The following SGCD variants were observed in gnomAD, a reference collection of about 807,000 sequenced individuals.
SGCD encodes sarcoglycan delta.
Under a neutral mutation model 36.6 loss-of-function variants are expected in SGCD, and 18 were observed. The observed-to-expected ratio is 0.49, with a 90% CI of 0.34 to 0.73. The LOEUF (loss-of-function observed/expected upper bound fraction) is 0.73. Among genes scored for constraint, SGCD ranks in the 30% least tolerant of loss-of-function variants. The probability of loss-of-function intolerance (pLI) is 0.01; values close to 1 mark genes in which losing one functional copy is unlikely to be tolerated. For synonymous variants in SGCD, 133 were observed against 130.6 expected (o/e 1.02, Z -0.12); for missense variants, 387 against 346.7 (o/e 1.12, Z -0.92).
At chr5:156,634,547 T>C (rs930909881) in intron 6 of SGCD, among the ~76,000 whole-genome samples, 7 of 152,206 alleles carry the variant, frequency 4.6e-5, no homozygotes, top group African/African-American at 1.7e-4. Context: ...TGAATGATTC[T>C]GTTTATATGA....
At chr5:156,155,613 G>GA (rs56154305) in intron 3 of SGCD, among the ~76,000 whole-genome samples, 71,371 of 131,034 alleles carry the variant, frequency 0.54, 20,216 homozygotes, top group East Asian at 0.87. Context: ...CGTGGGCTAG[G>GA]AAAAAAAAAA....
chr5:156,387,103 G>T (rs902946459), intron 3 of SGCD, among the ~76,000 whole-genome samples: 11 of 152,178 alleles, frequency 7.2e-5, no homozygotes, highest in Non-Finnish European at 1.3e-4. Flanking sequence ...GAATGAGTTT[G>T]CCTCCCATTT....
chr5:156,627,854 G>A (rs1042387243), intron 6 of SGCD, among the ~76,000 whole-genome samples: 10 of 152,242 alleles, frequency 6.6e-5, no homozygotes, highest in African/African-American at 2.4e-4. Flanking sequence ...GCTTGGTAAT[G>A]TTTATAATCA....
At chr5:156,540,591 C>T (rs1758312433) in intron 4 of SGCD, among the ~76,000 whole-genome samples, 1 of 152,178 alleles carries the variant, frequency 6.6e-6, no homozygotes, top group Non-Finnish European at 1.5e-5. Flanking sequence ...TTAAATGCTT[C>T]TGAGCCTTGA....
chr5:155,990,394 T>C lies in SGCD; in HGVS notation c.-282+119970T>C, dbSNP rs533094910. Among the ~76,000 whole-genome samples the C allele has an allele frequency of 2.7e-4, 41 of 152,314 alleles. 1 individual carries two copies. Among genetic ancestry groups the C allele is most frequent in the East Asian group, 1.3e-3 (7 of 5,190 alleles). On this transcript the variant is annotated intron_variant, in intron 1 of 9. Coordinates refer to the SGCD transcript ENST00000517913. Reference sequence around the variant, plus strand: ...GTGCTTTTATAAAGATTTAAAGATATAGCAGTCTTTGCTTATTCTTCCTCT... The same window carrying C: ...GTGCTTTTATAAAGATTTAAAGATACAGCAGTCTTTGCTTATTCTTCCTCT...
At chr5:156,461,446 A>C (rs1047777691) in intron 3 of SGCD, among the ~76,000 whole-genome samples, 1 of 152,122 alleles carries the variant, frequency 6.6e-6, no homozygotes, top group African/African-American at 2.4e-5. Flanking sequence ...GAGTAAATTT[A>C]ATGTGACAAA....
chr5:156,134,979 T>C (rs1246935684), intron 3 of SGCD, among the ~76,000 whole-genome samples: 1 of 152,206 alleles, frequency 6.6e-6, no homozygotes, highest in Admixed American at 6.5e-5. Context: ...TGAAGAGTGA[T>C]CATTATAATT....
At chr5:155,774,945 T>A in the SGCD span, among the ~76,000 whole-genome samples, 2 of 152,314 alleles carry the variant, frequency 1.3e-5, no homozygotes, top group African/African-American at 4.8e-5. Flanking sequence ...ATCACATTGA[T>A]GCTGCACACA....
At chr5:155,860,234 A>C in the SGCD span, among the ~76,000 whole-genome samples, 1 of 152,228 alleles carries the variant, frequency 6.6e-6, no homozygotes, top group Non-Finnish European at 1.5e-5. Context: ...ACACAAGATA[A>C]ATTTTGGCAT....
At chr5:155,796,564 G>A in the SGCD span, among the ~76,000 whole-genome samples, 1 of 151,846 alleles carries the variant, frequency 6.6e-6, no homozygotes, top group Non-Finnish European at 1.5e-5. Flanking sequence ...AGCACTTTGG[G>A]AGGCCGAGGT....
At chr5:156,621,214 T>G (rs180881860) in intron 6 of SGCD, among the ~76,000 whole-genome samples, 29 of 152,238 alleles carry the variant, frequency 1.9e-4, no homozygotes, top group African/African-American at 7.0e-4. Flanking sequence ...CCCTTTGAGA[T>G]AGAGTCTCAC....
At chr5:156,334,396 C>T (rs1200551418) in intron 2 of SGCD, among the ~76,000 whole-genome samples, 1 of 152,116 alleles carries the variant, frequency 6.6e-6, no homozygotes, top group African/African-American at 2.4e-5. Context: ...TTTTTGCTGC[C>T]CAAGGGCATT....
chr5:156,061,971 G>C (rs1581071325), intron 1 of SGCD, among the ~76,000 whole-genome samples: 2 of 73,718 alleles, frequency 2.7e-5, no homozygotes, highest in Admixed American at 1.7e-4. Context: ...TAGGGTACAT[G>C]TGCACATTGT....
chr5:156,172,565 C>G (rs143491688), intron 3 of SGCD, among the ~76,000 whole-genome samples: 3 of 152,292 alleles, frequency 2.0e-5, no homozygotes, highest in African/African-American at 7.2e-5. Context: ...GATCTGATGA[C>G]CTACATATAA....
chr5:156,182,126 G>A (rs1483117333), intron 3 of SGCD, among the ~76,000 whole-genome samples: 1 of 152,102 alleles, frequency 6.6e-6, no homozygotes, highest in Admixed American at 6.6e-5. Flanking sequence ...ATACGTTTGT[G>A]GAAATTGACA....
intron 1 of SGCD, among the ~76,000 whole-genome samples, chr5:155,882,437 C>T (rs1393710045): frequency 6.6e-6 from 1 of 152,114 alleles, no homozygotes; most frequent in Non-Finnish European, 1.5e-5. Flanking sequence ...TTTTAATTTA[C>T]TTTGCCAAGG....
At chr5:156,649,866 A>AT (rs553042415) in intron 7 of SGCD, among the ~76,000 whole-genome samples, 67 of 151,230 alleles carry the variant, frequency 4.4e-4, no homozygotes, top group East Asian at 1.7e-3. Flanking sequence ...TATAATAATA[A>AT]TTTTTTTTTT....
intron 3 of SGCD, among the ~76,000 whole-genome samples, chr5:156,473,391 C>T (rs1504936): frequency 0.78 from 118,571 of 152,192 alleles, 47,023 homozygotes; most frequent in African/African-American, 0.95. Context: ...GCATTGCCTG[C>T]GGATACACTG....
intron 7 of SGCD, among the ~76,000 whole-genome samples, chr5:156,752,192 T>C (rs1447060331): frequency 2.0e-5 from 3 of 152,160 alleles, no homozygotes; most frequent in Non-Finnish European, 4.4e-5. Context: ...ATTCTGCGTG[T>C]GAAGTATGCA....
Sources: allele counts gnomAD v4.1 joint callset (sites outside exome capture counted in the v4.1 genomes callset), GRCh38; gene constraint gnomAD v4.1.1; transcripts MANE v1.5; gene names NCBI Gene and HGNC (gene_info 2026-07-23, HGNC 2026-07-21).